KCNT2: variants seen among roughly 807,000 people sequenced by gnomAD.
KCNT2 encodes the protein potassium channel subfamily T member 2.
In KCNT2, 67 loss-of-function variants were observed where a neutral mutation model predicts 153.8. The ratio of observed to expected loss-of-function variants is 0.44; its 90% CI spans 0.36 to 0.53. KCNT2 has a LOEUF of 0.53. Ranked by LOEUF, KCNT2 falls within the 20% of genes least tolerant of loss-of-function variation. The pLI, the probability that KCNT2 is intolerant of heterozygous loss-of-function variation, is 0.00. For synonymous variants in KCNT2, 500 were observed against 458.8 expected (o/e 1.09, Z -1.15); for missense variants, 975 against 1,354.8 (o/e 0.72, Z 4.40).
chr1:196,507,073 G>A (rs1043438736), intron 1 of KCNT2, among the ~76,000 whole-genome samples: 1 of 152,020 alleles, frequency 6.6e-6, no homozygotes, highest in Admixed American at 6.6e-5. Context: ...ATTAGAAAAT[G>A]TGAAATCTAA....
chr1:196,360,568 C>T (rs997255190), intron 14 of KCNT2, among the ~76,000 whole-genome samples: 33 of 152,028 alleles, frequency 2.2e-4, no homozygotes, highest in African/African-American at 7.5e-4. Flanking sequence ...GAAATGGGCT[C>T]TTTGAGATGT....
intron 1 of KCNT2, among the ~76,000 whole-genome samples, chr1:196,549,955 C>T (rs528922300): frequency 4.6e-5 from 7 of 151,888 alleles, no homozygotes; most frequent in African/African-American, 1.2e-4. Context: ...TGAGTAGCAA[C>T]GAAGTGGAGA....
chr1:196,520,317 G>T (rs1454728905), intron 1 of KCNT2, among the ~76,000 whole-genome samples: 1 of 151,808 alleles, frequency 6.6e-6, no homozygotes, highest in African/African-American at 2.4e-5. Flanking sequence ...AAAATAATAA[G>T]AGCTATATAT....
chr1:196,397,100 T>A (rs1403710970), intron 13 of KCNT2, among the ~76,000 whole-genome samples: 1 of 151,448 alleles, frequency 6.6e-6, no homozygotes, highest in Non-Finnish European at 1.5e-5. Flanking sequence ...TGTATGGCCT[T>A]TTAGTAGACA....
intron 14 of KCNT2, among the ~76,000 whole-genome samples, chr1:196,349,924 T>C (rs1288705784): frequency 2.0e-5 from 3 of 152,182 alleles, no homozygotes; most frequent in African/African-American, 4.8e-5. Context: ...GTTCTCATTG[T>C]TAAATTCCTA....
intron 1 of KCNT2, among the ~76,000 whole-genome samples, chr1:196,599,367 A>G (rs963612380): frequency 5.3e-5 from 8 of 152,238 alleles, no homozygotes; most frequent in Non-Finnish European, 1.0e-4. Flanking sequence ...ATAACAATTC[A>G]TCATTATGAT....
intron 23 of KCNT2, 135 bp from the exon 24 acceptor site, chr1:196,282,491 A>G (rs1031030514): frequency 1.9e-6 from 1 of 522,612 alleles, no homozygotes; most frequent in Non-Finnish European, 3.4e-6. Flanking sequence ...AACCCTCCAT[A>G]CAAAAGTAAA....
chr1:196,527,396 A>G (rs1654378146), intron 1 of KCNT2, among the ~76,000 whole-genome samples: 1 of 152,186 alleles, frequency 6.6e-6, no homozygotes. Flanking sequence ...CATCATACTA[A>G]CATGAAGTTA....
At chr1:196,505,437 A>G (rs1424180961) in intron 1 of KCNT2, among the ~76,000 whole-genome samples, 1 of 150,824 alleles carries the variant, frequency 6.6e-6, no homozygotes, top group Non-Finnish European at 1.5e-5. Context: ...TGTTCCATTG[A>G]TCTATATCTC....
At chr1:196,519,525 AT>A (rs1653063109) in intron 1 of KCNT2, among the ~76,000 whole-genome samples, 1 of 152,008 alleles carries the variant, frequency 6.6e-6, no homozygotes, top group Non-Finnish European at 1.5e-5. Context: ...TTTTAAAAAA[AT>A]AATAAGTTAG....
chr1:196,327,098 A>T (rs946890012), intron 18 of KCNT2, among the ~76,000 whole-genome samples: 3 of 152,152 alleles, frequency 2.0e-5, no homozygotes, highest in African/African-American at 4.8e-5. Flanking sequence ...AATGAATTGC[A>T]GGTTTGTAGC....
chr1:196,532,084 G>C (rs1655019128), intron 1 of KCNT2, among the ~76,000 whole-genome samples: 1 of 151,548 alleles, frequency 6.6e-6, no homozygotes, highest in African/African-American at 2.4e-5. Context: ...TCCATCTTAG[G>C]AAAGAGATGC....
chr1:196,433,586 T>A lies in KCNT2; in HGVS notation c.639-3829A>T, dbSNP rs1256764388. Among the ~76,000 whole-genome samples the A allele has an allele frequency of 3.3e-5, 5 of 152,208 alleles. No homozygotes were observed. The East Asian group carries it at 5.8e-4, about 18-fold the overall frequency. ...TTACACTTAAAATGAGTAAATTTTATGACACATATATTATGTCCCCATAAA... is the reference window on the plus strand; with the variant it reads ...TTACACTTAAAATGAGTAAATTTTAAGACACATATATTATGTCCCCATAAA... On this transcript the variant is annotated intron_variant, in intron 8 of 27. Transcript: ENST00000294725.
At chr1:196,503,661 T>G (rs1680880760) in intron 1 of KCNT2, among the ~76,000 whole-genome samples, 1 of 152,170 alleles carries the variant, frequency 6.6e-6, no homozygotes, top group African/African-American at 2.4e-5. Context: ...TATGTGTTTG[T>G]GGAGAGGGAA....
intron 1 of KCNT2, among the ~76,000 whole-genome samples, chr1:196,544,231 C>T (rs1313733981): frequency 1.3e-5 from 2 of 152,056 alleles, no homozygotes; most frequent in African/African-American, 4.8e-5. Context: ...ATCTCTATGA[C>T]TTCCTGAAAA....
At chr1:196,496,753 GAC>G (rs1227395696) in intron 1 of KCNT2, among the ~76,000 whole-genome samples, 1 of 152,144 alleles carries the variant, frequency 6.6e-6, no homozygotes, top group African/African-American at 2.4e-5. Flanking sequence ...ATCCCACCTG[GAC>G]GGGACGCCAT....
At chr1:196,474,527 T>C (rs1319430373) in intron 5 of KCNT2, among the ~76,000 whole-genome samples, 2 of 152,198 alleles carry the variant, frequency 1.3e-5, no homozygotes, top group African/African-American at 4.8e-5. Flanking sequence ...AAATTCTTTG[T>C]TCTTTTCCAG....
intron 8 of KCNT2, among the ~76,000 whole-genome samples, chr1:196,452,689 T>C (rs938294102): frequency 6.0e-5 from 9 of 149,826 alleles, no homozygotes; most frequent in Non-Finnish European, 1.2e-4. Context: ...GTCTGGATTC[T>C]CCATAGAAAT....
At chr1:196,591,899 G>A (rs894392718) in intron 1 of KCNT2, among the ~76,000 whole-genome samples, 1 of 152,104 alleles carries the variant, frequency 6.6e-6, no homozygotes, top group Non-Finnish European at 1.5e-5. Flanking sequence ...AGAGCAACTC[G>A]ATAATAAAAA....
Sources: allele counts gnomAD v4.1 joint callset (sites outside exome capture counted in the v4.1 genomes callset), GRCh38; gene constraint gnomAD v4.1.1; transcripts MANE v1.5; gene names NCBI Gene and HGNC (gene_info 2026-07-23, HGNC 2026-07-21).